OLFM2: variants seen among roughly 807,000 people sequenced by gnomAD.
The protein encoded by OLFM2 is olfactomedin 2.
Under a neutral mutation model 43.9 loss-of-function variants are expected in OLFM2, and 20 were observed. The ratio of observed to expected loss-of-function variants is 0.46; its 90% CI spans 0.32 to 0.66. The LOEUF is 0.66. Among genes scored for constraint, OLFM2 ranks in the 30% least tolerant of loss-of-function variants. The probability of loss-of-function intolerance (pLI) is 0.04; values close to 1 mark genes in which losing one functional copy is unlikely to be tolerated. For synonymous variants in OLFM2, 268 were observed against 278.6 expected (o/e 0.96, Z 0.38); for missense variants, 416 against 643.6 (o/e 0.65, Z 3.83).
intron 1 of OLFM2, among the ~76,000 whole-genome samples, chr19:9,861,203 GT>G (rs113853813): frequency 1.6e-3 from 204 of 129,666 alleles, no homozygotes; most frequent in Middle Eastern, 4.0e-3. Flanking sequence ...GCCACTTAAT[GT>G]TTTTTTTTTT....
intron 1 of OLFM2, among the ~76,000 whole-genome samples, chr19:9,892,966 C>T (rs916826218): frequency 6.6e-6 from 1 of 152,092 alleles, no homozygotes; most frequent in African/African-American, 2.4e-5. Flanking sequence ...TATCTCAGTA[C>T]TTGGGTTTGG....
intron 1 of OLFM2, among the ~76,000 whole-genome samples, chr19:9,904,071 C>T (rs1207778314): frequency 6.6e-6 from 1 of 151,984 alleles, no homozygotes. Flanking sequence ...GGGCATTACA[C>T]TGAGGGTTGC....
At chr19:9,904,300 C>T (rs1378327813) in intron 1 of OLFM2, among the ~76,000 whole-genome samples, 1 of 151,868 alleles carries the variant, frequency 6.6e-6, no homozygotes, top group African/African-American at 2.4e-5. Context: ...AAGCGATTCT[C>T]CTGCCTCAGC....
chr19:9,905,850 G>A (rs1026858320), intron 1 of OLFM2, among the ~76,000 whole-genome samples: 4 of 152,152 alleles, frequency 2.6e-5, no homozygotes, highest in Non-Finnish European at 5.9e-5. Flanking sequence ...TATACCCTGA[G>A]CAGCCCCAAC....
chr19:9,888,369 C>T lies in OLFM2; in HGVS notation c.64-27575G>A, dbSNP rs985871931. Among the ~76,000 whole-genome samples, 6 of 151,082 alleles carry T rather than the reference C, an allele frequency of 4.0e-5. No individual in the cohort carries two copies. The South Asian group carries it at 1.3e-3, about 32-fold the overall frequency. On this transcript the variant is annotated intron_variant, in intron 1 of 5. Coordinates refer to ENST00000264833, the MANE Select transcript of OLFM2 (RefSeq NM_058164.4). Reference sequence around the variant, plus strand: ...GAAACCCCCGTCTCTACTAAAAATACAAAAATTAGCCGGGTGTGGTGGTGC... The same window carrying T: ...GAAACCCCCGTCTCTACTAAAAATATAAAAATTAGCCGGGTGTGGTGGTGC...
intron 1 of OLFM2, among the ~76,000 whole-genome samples, chr19:9,891,401 A>C (rs575946834): frequency 9.3e-4 from 138 of 148,116 alleles, no homozygotes; most frequent in Non-Finnish European, 1.5e-3. Flanking sequence ...GAGGTAGGTG[A>C]ATCACTTGAG....
intron 1 of OLFM2, among the ~76,000 whole-genome samples, chr19:9,910,677 T>TAATGCATGCATGGAGGAATTGGTG (rs879261718): frequency 1.3e-5 from 2 of 152,066 alleles, no homozygotes; most frequent in Non-Finnish European, 2.9e-5. Context: ...GGATAATGGA[T>TAATGCATGCATGGAGGAATTGGTG]AATGCATGCA....
Position 9,857,173 on chromosome 19 carries a change from CTG to C in OLFM2, c.580+88_580+89del. 3 of 1,278,114 alleles carry C rather than the reference CTG, an allele frequency of 2.3e-6. No individual in the cohort carries two copies. Among genetic ancestry groups the C allele is most frequent in the Non-Finnish European group, 3.4e-6 (3 of 884,374 alleles). 79.2% of individuals were successfully genotyped at this position (1,278,114 alleles called of 1,614,324 possible). On this transcript the variant is annotated intron_variant, in intron 4 of 5. Transcript: ENST00000264833. This position sits in a 1 kb window ranked among gnomAD's most constrained non-coding sequence, Gnocchi z 5.7. ...GAGGTTTAAAAGTTAGAGGTCAAAA[CTG>C]TGTCCAGCTTCTAGGCACAAACAGG...
chr19:9,883,946 G>A lies in OLFM2; in HGVS notation c.64-23152C>T, dbSNP rs148319255. ...CTTAGGGCAGTCACGGAGGTTGAAC[G>A]AATGCCTGCGCACACAGAGCTTAAA... On this transcript the variant is annotated intron_variant, in intron 1 of 5. Transcript: ENST00000264833. Among the ~76,000 whole-genome samples the A allele has an allele frequency of 1.1e-3, 161 of 152,194 alleles. 1 individual carries two copies. The highest frequency in any genetic ancestry group is 3.6e-3 in the African/African-American group (148 of 41,528).
chr19:9,925,716 G>T (rs1189212535), intron 1 of OLFM2, among the ~76,000 whole-genome samples: 13 of 151,864 alleles, frequency 8.6e-5, no homozygotes, highest in Non-Finnish European at 1.6e-4. Flanking sequence ...TTACAGGTGT[G>T]AGCCACCGCG....
rs1449086580 is a variant in OLFM2, at chr19:9,894,407, AAT to A, written c.64-33615_64-33614del. On this transcript the variant is annotated intron_variant, in intron 1 of 5. Coordinates refer to ENST00000264833, the MANE Select transcript of OLFM2 (RefSeq NM_058164.4). ...TAATAATAATAATAATAATAATAAT[AAT>A]AATAAATAAATAAAATAAAGCCAGG... Among the ~76,000 whole-genome samples the A allele has an allele frequency of 3.3e-5, 3 of 91,110 alleles. No homozygotes were observed. In the South Asian group the frequency reaches 8.9e-4, roughly 27 times the overall value. The allele number at this position is 91,110 out of a possible 152,430, so 59.8% of individuals were successfully genotyped here. A position where few individuals can be genotyped will look rare whatever the true frequency, so the allele number is the denominator to read the frequency against.
At chr19:9,901,450 AC>A (rs2046739215) in intron 1 of OLFM2, among the ~76,000 whole-genome samples, 3 of 151,998 alleles carry the variant, frequency 2.0e-5, no homozygotes, top group African/African-American at 7.3e-5. Context: ...AAACAAACAA[AC>A]AAACAAAAAA....
chr19:9,885,570 T>A (rs1449074355), intron 1 of OLFM2, among the ~76,000 whole-genome samples: 1 of 152,128 alleles, frequency 6.6e-6, no homozygotes, highest in African/African-American at 2.4e-5. Context: ...TGCCCATGGC[T>A]TTTGGGAGCC....
intron 1 of OLFM2, among the ~76,000 whole-genome samples, chr19:9,924,709 C>G (rs1181913041): frequency 6.6e-6 from 1 of 152,046 alleles, no homozygotes; most frequent in Admixed American, 6.6e-5. Context: ...GTTGGTGACT[C>G]TGCTATCTTC....
chr19:9,907,194 G>A (rs1176758750), intron 1 of OLFM2, among the ~76,000 whole-genome samples: 3 of 152,126 alleles, frequency 2.0e-5, no homozygotes, highest in Non-Finnish European at 2.9e-5. Context: ...GGTGGTTCAC[G>A]CCTGTAATCC....
At chr19:9,927,287 A>C (rs766804874) in intron 1 of OLFM2, among the ~76,000 whole-genome samples, 9 of 152,092 alleles carry the variant, frequency 5.9e-5, no homozygotes, top group Non-Finnish European at 1.2e-4. Flanking sequence ...GTCTCGAAAA[A>C]AATATAAATA....
At chr19:9,886,775 C>G (rs1011066188) in intron 1 of OLFM2, among the ~76,000 whole-genome samples, 1 of 151,978 alleles carries the variant, frequency 6.6e-6, no homozygotes, top group African/African-American at 2.4e-5. Context: ...ACCTCTGCCT[C>G]CTGGGTCCAA....
chr19:9,897,697 GAAT>G (rs1568379571), intron 1 of OLFM2, among the ~76,000 whole-genome samples: 1 of 151,960 alleles, frequency 6.6e-6, no homozygotes, highest in Admixed American at 6.6e-5. Flanking sequence ...GCCAGGTGGG[GAAT>G]AATAATTCAG....
intron 1 of OLFM2, among the ~76,000 whole-genome samples, chr19:9,910,792 G>T (rs1427564957): frequency 6.6e-6 from 1 of 152,048 alleles, no homozygotes; most frequent in East Asian, 1.9e-4. Context: ...AAAAGAGATG[G>T]GTGGAAGGAT....
Sources: allele counts gnomAD v4.1 joint callset (sites outside exome capture counted in the v4.1 genomes callset), GRCh38; gene constraint gnomAD v4.1.1; non-coding constraint Gnocchi (gnomAD v3.1); transcripts MANE v1.5; gene names NCBI Gene and HGNC (gene_info 2026-07-23, HGNC 2026-07-21).